Variants in SLC1A2 observed in about 807,000 individuals in gnomAD.
The protein encoded by SLC1A2 is excitatory amino acid transporter 2.
Under a neutral mutation model 48.8 loss-of-function variants are expected in SLC1A2, and 15 were observed. The observed-to-expected ratio is 0.31, with a 90% CI of 0.21 to 0.47. The LOEUF (loss-of-function observed/expected upper bound fraction) is 0.47. Ranked by LOEUF, SLC1A2 falls within the 20% of genes least tolerant of loss-of-function variation. SLC1A2 has a pLI of 0.99. For missense variants in SLC1A2, 502 were observed against 730.5 expected (o/e 0.69, Z 3.61); for synonymous variants, 279 against 272.6 (o/e 1.02, Z -0.23).
chr11:35,300,755 C>A (rs1293785840), intron 6 of SLC1A2, among the ~76,000 whole-genome samples: 2 of 152,184 alleles, frequency 1.3e-5, no homozygotes, highest in Non-Finnish European at 2.9e-5. Context: ...GTGGCTCATG[C>A]CTATAATCCC....
intron 7 of SLC1A2, chr11:35,291,269 T>C (rs915164043): frequency 1.4e-5 from 2 of 145,070 alleles, no homozygotes; most frequent in African/African-American, 2.7e-5. Context: ...TCTTTCTTTC[T>C]TTTTTTTTTT....
intron 10 of SLC1A2, among the ~76,000 whole-genome samples, chr11:35,262,717 C>G (rs915211864): frequency 1.3e-5 from 2 of 152,256 alleles, no homozygotes; most frequent in South Asian, 4.1e-4. Context: ...AATCAACTTG[C>G]TTTACCTAGC....
At chr11:35,400,440 A>G (rs1406473417) in intron 1 of SLC1A2, among the ~76,000 whole-genome samples, 2 of 152,228 alleles carry the variant, frequency 1.3e-5, no homozygotes, top group African/African-American at 2.4e-5. Flanking sequence ...ATGTATTGAC[A>G]TGTGTACATG....
intron 1 of SLC1A2, among the ~76,000 whole-genome samples, chr11:35,346,878 G>A (rs1240993091): frequency 1.3e-5 from 2 of 152,224 alleles, no homozygotes; most frequent in African/African-American, 2.4e-5. Flanking sequence ...CCACATCTTG[G>A]ACACAGGATG....
chr11:35,387,452 G>T (rs1854620951), intron 1 of SLC1A2, among the ~76,000 whole-genome samples: 1 of 152,126 alleles, frequency 6.6e-6, no homozygotes, highest in African/African-American at 2.4e-5. Context: ...GACCTTGCTT[G>T]CTACAGAAGC....
At chr11:35,271,069 A>C (rs1850266023) in intron 9 of SLC1A2, among the ~76,000 whole-genome samples, 1 of 152,218 alleles carries the variant, frequency 6.6e-6, no homozygotes, top group Non-Finnish European at 1.5e-5. Context: ...CAGGAGACAG[A>C]ATTATAGGAC....
chr11:35,335,385 C>A (rs929988919), intron 1 of SLC1A2, among the ~76,000 whole-genome samples: 1 of 152,116 alleles, frequency 6.6e-6, no homozygotes, highest in Non-Finnish European at 1.5e-5. Context: ...CCATAGCAAC[C>A]GCAATTGCAC....
intron 9 of SLC1A2, among the ~76,000 whole-genome samples, chr11:35,275,088 A>G (rs1444865603): frequency 6.6e-6 from 1 of 152,182 alleles, no homozygotes; most frequent in African/African-American, 2.4e-5. Context: ...CACCTCAGAT[A>G]TATCTCTGGG....
At chr11:35,367,729 T>C (rs955418924) in intron 1 of SLC1A2, among the ~76,000 whole-genome samples, 9 of 152,220 alleles carry the variant, frequency 5.9e-5, no homozygotes, top group Non-Finnish European at 1.2e-4. Context: ...GCTTGAGTCA[T>C]TCATGTTCAG....
chr11:35,401,185 AT>A (rs1381673701), intron 1 of SLC1A2, among the ~76,000 whole-genome samples: 1 of 152,182 alleles, frequency 6.6e-6, no homozygotes, highest in Non-Finnish European at 1.5e-5. Flanking sequence ...TTCAGAGAGA[AT>A]GGACTGTAAG....
intron 1 of SLC1A2, among the ~76,000 whole-genome samples, chr11:35,396,760 T>C (rs1348686586): frequency 1.3e-5 from 2 of 152,230 alleles, no homozygotes; most frequent in African/African-American, 4.8e-5. Flanking sequence ...CCCATGCCTA[T>C]GTCCTGAATG....
At chr11:35,322,625 T>G (rs1565243062) in intron 1 of SLC1A2, 3 of 1,535,060 alleles carry the variant, frequency 2.0e-6, no homozygotes, top group Non-Finnish European at 2.6e-6. Flanking sequence ...TCTGGAGAGG[T>G]ACTGGGGAGA....
intron 9 of SLC1A2, among the ~76,000 whole-genome samples, chr11:35,271,311 G>T (rs529634572): frequency 2.0e-5 from 3 of 152,304 alleles, no homozygotes; most frequent in African/African-American, 7.2e-5. Context: ...ACACATCTGT[G>T]ATGCAGGTGA....
chr11:35,323,077 CCTT>C (rs1852129826), intron 1 of SLC1A2: 3 of 362,954 alleles, frequency 8.3e-6, no homozygotes, highest in South Asian at 3.5e-5. Context: ...TCCTTCAGTC[CCTT>C]CTTCTATTCA....
chr11:35,373,607 C>A (rs1023551699), intron 1 of SLC1A2, among the ~76,000 whole-genome samples: 1 of 152,172 alleles, frequency 6.6e-6, no homozygotes, highest in African/African-American at 2.4e-5. Flanking sequence ...AGATGTGAAA[C>A]AGGGAGAGGG....
In SLC1A2 at chr11:35,400,833, C is replaced by G. The variant is rs560125388; in HGVS notation, c.17+18117G>C. Among the ~76,000 whole-genome samples, 4 of 152,232 alleles carry G rather than the reference C, an allele frequency of 2.6e-5. No individual in the cohort carries two copies. In the South Asian group the frequency reaches 8.3e-4, roughly 32 times the overall value. On this transcript the variant is annotated intron_variant, in intron 1 of 10. Coordinates refer to ENST00000278379, the MANE Select transcript of SLC1A2 (RefSeq NM_004171.4). Reference sequence around the variant, plus strand: ...GAGCCAAATACGAGTGACTATGGCCCGTGACATAACCCCAGGAGATCCTGA... The same window carrying G: ...GAGCCAAATACGAGTGACTATGGCCGGTGACATAACCCCAGGAGATCCTGA...
intron 1 of SLC1A2, among the ~76,000 whole-genome samples, chr11:35,338,756 T>C (rs1261986857): frequency 6.6e-6 from 1 of 152,244 alleles, no homozygotes; most frequent in African/African-American, 2.4e-5. Flanking sequence ...ATATATTCTC[T>C]AGTTCACTTA....
intron 1 of SLC1A2, among the ~76,000 whole-genome samples, chr11:35,368,535 T>C (rs933138240): frequency 2.6e-5 from 4 of 152,216 alleles, no homozygotes; most frequent in Admixed American, 2.6e-4. Flanking sequence ...ATTCTACACA[T>C]AAAGAAAGTA....
At chr11:35,413,813 C>T (rs1348646803) in intron 1 of SLC1A2, 1 of 152,208 alleles carries the variant, frequency 6.6e-6, no homozygotes, top group Non-Finnish European at 1.5e-5. Context: ...GGCAGAACCA[C>T]ATGACAGAAA....
Sources: gnomAD v4.1 joint callset for allele counts (sites outside exome capture counted in the v4.1 genomes callset) on GRCh38, gnomAD v4.1.1 for gene constraint, MANE v1.5 for transcripts, NCBI Gene and HGNC (gene_info 2026-07-23, HGNC 2026-07-21) for gene names.